The following KPNA2 variants were observed in gnomAD, a reference collection of about 807,000 sequenced individuals.
KPNA2 encodes the protein importin subunit alpha-1.
In KPNA2, 20 loss-of-function variants were observed where a neutral mutation model predicts 53.7. The observed-to-expected ratio is 0.37, with a 90% CI of 0.26 to 0.54. The LOEUF (loss-of-function observed/expected upper bound fraction) is 0.54. Among genes scored for constraint, KPNA2 ranks in the 20% least tolerant of loss-of-function variants. The probability of loss-of-function intolerance (pLI) is 0.83; values close to 1 mark genes in which losing one functional copy is unlikely to be tolerated. For missense variants in KPNA2, 515 were observed against 640.3 expected (o/e 0.80, Z 2.11); for synonymous variants, 238 against 227.5 (o/e 1.05, Z -0.42).
chr17:68,037,836 T>A (rs1389466251), intron 3 of KPNA2, among the ~76,000 whole-genome samples: 1 of 151,668 alleles, frequency 6.6e-6, no homozygotes, highest in Non-Finnish European at 1.5e-5. Flanking sequence ...AGTCTTGCTC[T>A]GTTGCTCAGG....
chr17:68,045,314 C>T (rs1555705265), intron 9 of KPNA2, among the ~76,000 whole-genome samples: 2 of 152,062 alleles, frequency 1.3e-5, no homozygotes, highest in African/African-American at 4.8e-5. Context: ...TCCATATGTC[C>T]AGTAAATCCT....
chr17:68,045,481 GTGT>G (rs1484439907), intron 9 of KPNA2: 6 of 273,988 alleles, frequency 2.2e-5, no homozygotes, highest in African/African-American at 2.2e-5. Flanking sequence ...CTGGAATGTA[GTGT>G]TGTTTTAAAA....
intron 1 of KPNA2, 176 bp from the exon 2 acceptor site, chr17:68,036,934 A>AGGG (rs551941947): frequency 1.9e-6 from 1 of 535,348 alleles, no homozygotes; most frequent in African/African-American, 2.0e-5. Flanking sequence ...TTTAGAGGGA[A>AGGG]GGGGGACACT....
At position 68,043,827 on chromosome 17, in the gene KPNA2, T is replaced by C; in HGVS notation, c.931-11T>C. ...AAAATAACCAGCATCAACATATTTTTTTTTTTTCAGACTCCTGCCCTAAGA... is the reference window on the plus strand; with the variant it reads ...AAAATAACCAGCATCAACATATTTTCTTTTTTTCAGACTCCTGCCCTAAGA... On this transcript the variant is annotated splice_polypyrimidine_tract_variant and intron_variant, in intron 7 of 10. Coordinates refer to ENST00000330459, the MANE Select transcript of KPNA2 (RefSeq NM_002266.4). The C allele has an allele frequency of 6.5e-7, 1 of 1,527,336 alleles. No homozygotes were observed. Among genetic ancestry groups the C allele is most frequent in the Non-Finnish European group, 9.1e-7 (1 of 1,103,610 alleles). 94.6% of individuals were successfully genotyped at this position (1,527,336 alleles called of 1,614,324 possible).
In KPNA2 at chr17:68,043,987, A is replaced by G. The variant is rs1555705048; in HGVS notation, c.1080A>G (p.Ser360=). ...NIQKEATWTM[S]NITAGRQDQI... The stretch of plus-strand genomic sequence containing the variant: ...AGAAGGAAGCTACGTGGACAATGTC[A>G]AACATCACAGCCGGCCGCCAGGACC... The change falls in exon 8 of 11, where the codon TCA becomes TCG. Residue 360 remains serine (S), a synonymous_variant. Transcript: ENST00000330459. The G allele has an allele frequency of 6.2e-7, 1 of 1,614,032 alleles. No homozygotes were observed. Among genetic ancestry groups the G allele is most frequent in the Admixed American group, 1.7e-5 (1 of 60,010 alleles).
chr17:68,038,460 A>G (rs1188968116), intron 3 of KPNA2, among the ~76,000 whole-genome samples: 1 of 152,076 alleles, frequency 6.6e-6, no homozygotes, highest in Non-Finnish European at 1.5e-5. Flanking sequence ...TGTATTTGTC[A>G]CCAGCTTTGT....
chr17:68,042,308 G>A lies in KPNA2; in HGVS notation c.526G>A (p.Ala176Thr), dbSNP rs2071270075. ...CATTTCTCTGTTGGCATCTCCCCAT[G>A]CTCACATCAGTGAACAAGCTGTCTG... ...AFISLLASPH[A>T]HISEQAVWAL... Residue 176 changes from alanine to threonine, a missense_variant, in exon 5 of 11, where the codon GCT becomes ACT. By Grantham distance (58) the Ala-to-Thr change is moderately conservative. Transcript: ENST00000330459. The A allele has an allele frequency of 6.2e-7, 1 of 1,614,094 alleles. No homozygotes were observed. The highest frequency in any genetic ancestry group is 8.5e-7 in the Non-Finnish European group (1 of 1,180,034).
In KPNA2 at chr17:68,037,388, G is replaced by T; in HGVS notation, c.106G>T (p.Val36Leu). 1 of 1,614,088 alleles carries T rather than the reference G, an allele frequency of 6.2e-7. No individual in the cohort carries two copies. The highest frequency in any genetic ancestry group is 1.1e-5 in the South Asian group (1 of 91,078). ...GAGGCGTCGCAGAATAGAGGTCAAT[G>T]TGGAGCTGAGGAAAGCTAAGAAGGA... The part of the protein sequence containing the change: ...EMRRRRIEVN[V>L]ELRKAKKDDQ... Residue 36 changes from valine (V) to leucine (L), a missense_variant, in exon 3 of 11, where the codon GTG becomes TTG. Coordinates refer to ENST00000330459, the MANE Select transcript of KPNA2 (RefSeq NM_002266.4).
intron 2 of KPNA2, 50 bp from the exon 3 acceptor site, chr17:68,037,308 G>C (rs1555703911): frequency 1.3e-6 from 2 of 1,591,986 alleles, no homozygotes; most frequent in East Asian, 4.5e-5. Flanking sequence ...CCCTCACTTA[G>C]CAACAAAAAC....
Position 68,035,737 on chromosome 17 carries a change from A to T in KPNA2, c.-127A>T, listed in dbSNP as rs1414718833. 1.3e-5 allele frequency: 2 copies of T among 151,928 alleles called. No homozygotes were observed. Among genetic ancestry groups the T allele is most frequent in the Admixed American group, 6.6e-5 (1 of 15,238 alleles). The allele number at this position is 151,928 out of a possible 1,614,324, so 9.4% of individuals were successfully genotyped here. On this transcript the variant is annotated 5_prime_UTR_variant, in exon 1 of 11. Transcript: ENST00000330459. ...CGCGCCGGCCGGCTGCACGAGCCACACGGTCTTTGAGCTGAGTCGAGGTGG... is the reference window on the plus strand; with the variant it reads ...CGCGCCGGCCGGCTGCACGAGCCACTCGGTCTTTGAGCTGAGTCGAGGTGG...
At position 68,046,726 on chromosome 17, in the gene KPNA2, AC is replaced by A; in HGVS notation, c.*131del. 1 of 652,444 alleles carries A rather than the reference AC, an allele frequency of 1.5e-6. No homozygotes were observed. Among genetic ancestry groups the A allele is most frequent in the Non-Finnish European group, 2.8e-6 (1 of 361,042 alleles). The allele number at this position is 652,444 out of a possible 1,614,324, so 40.4% of individuals were successfully genotyped here. On this transcript the variant is annotated 3_prime_UTR_variant, in exon 11 of 11. Transcript: ENST00000330459. Reference sequence around the variant, plus strand: ...CTTTTTACACTGAAACTATACTTGAACAGTTCCAACTGTACATACATACTGT... The same window carrying A: ...CTTTTTACACTGAAACTATACTTGAAAGTTCCAACTGTACATACATACTGT...
chr17:68,040,664 C>T lies in KPNA2; in HGVS notation c.214-14C>T, dbSNP rs1458896575. 2 of 1,567,814 alleles carry T rather than the reference C, an allele frequency of 1.3e-6. No homozygotes were observed. Among genetic ancestry groups the T allele is most frequent in the Non-Finnish European group, 1.8e-6 (2 of 1,141,052 alleles). ...ATCTTAATGATAATGTGCAAACTTT[C>T]ACTTTTCTTCTAGGGCACTGTAAAT... On this transcript the variant is annotated splice_polypyrimidine_tract_variant and intron_variant, in intron 3 of 10. Coordinates refer to ENST00000330459, the MANE Select transcript of KPNA2 (RefSeq NM_002266.4).
chr17:68,044,626 T>C, intron 9 of KPNA2, 123 bp downstream of exon 9: 1 of 740,492 alleles, frequency 1.4e-6, no homozygotes, highest in Non-Finnish European at 2.3e-6. Context: ...AGAAAGCCTG[T>C]TTATGTGGCC....
chr17:68,045,552 T>G lies in KPNA2; in HGVS notation c.1348-220T>G, dbSNP rs553351604. 4 of 420,708 alleles carry G rather than the reference T, an allele frequency of 9.5e-6. No individual in the cohort carries two copies. In the Admixed American group the frequency reaches 1.2e-4, roughly 12 times the overall value. 26.1% of individuals were successfully genotyped at this position (420,708 alleles called of 1,614,324 possible). A position where few individuals can be genotyped will look rare whatever the true frequency, so the allele number is the denominator to read the frequency against. On this transcript the variant is annotated intron_variant, in intron 9 of 10. Transcript: ENST00000330459. ...TTGGGAGCTACTACTGATTGTAAGATCTTTGGCTCCAGTTGAAGTAGTGCT... is the reference window on the plus strand; with the variant it reads ...TTGGGAGCTACTACTGATTGTAAGAGCTTTGGCTCCAGTTGAAGTAGTGCT...
At chr17:68,038,306 C>T (rs1350957870) in intron 3 of KPNA2, among the ~76,000 whole-genome samples, 12 of 152,196 alleles carry the variant, frequency 7.9e-5, no homozygotes, top group Admixed American at 6.5e-4. Flanking sequence ...CGGGGTTTCA[C>T]CATGTTGGCC....
Position 68,044,419 on chromosome 17 carries a change from A to G in KPNA2, c.1263A>G (p.Ile421Met). 1.2e-6 allele frequency: 2 copies of G among 1,614,042 alleles called. No homozygotes were observed. The highest frequency in any genetic ancestry group is 4.5e-5 in the East Asian group (2 of 44,884). The change falls in exon 9 of 11, where the codon ATA becomes ATG. Residue 421 changes from isoleucine (I) to methionine (M), a missense_variant. By Grantham distance (10) the Ile-to-Met change is conservative. Transcript: ENST00000330459. ...TTGTGTACCTTGTTCACTGTGGCAT[A>G]ATAGAACCGTTGATGAACCTCTTAA... ...EQIVYLVHCGIIEPLMNLLTA... is the reference protein window; with the variant it reads ...EQIVYLVHCGMIEPLMNLLTA...
intron 3 of KPNA2, among the ~76,000 whole-genome samples, chr17:68,039,026 C>T (rs2071222217): frequency 6.6e-6 from 1 of 152,190 alleles, no homozygotes; most frequent in East Asian, 1.9e-4. Flanking sequence ...GAAATCCCTA[C>T]TCTATGAAGG....
chr17:68,045,020 G>A lies in KPNA2; in HGVS notation c.1347+517G>A, dbSNP rs1413066275. Among the ~76,000 whole-genome samples, 146 of 151,718 alleles carry A rather than the reference G, an allele frequency of 9.6e-4. 1 individual carries two copies. Among genetic ancestry groups the A allele is most frequent in the African/African-American group, 3.3e-3 (135 of 41,316 alleles). On this transcript the variant is annotated intron_variant, in intron 9 of 10. Transcript: ENST00000330459. ...TGAGGCAGGAGAATCGCTTGAACCC[G>A]GGAAGCGGAAGTTGCAGTGAGCCAA... is the stretch of plus-strand genomic sequence containing the variant.
intron 5 of KPNA2, among the ~76,000 whole-genome samples, 167 bp downstream of exon 5, chr17:68,042,520 T>G (rs1481104692): frequency 2.0e-5 from 3 of 152,184 alleles, no homozygotes; most frequent in African/African-American, 4.8e-5. Context: ...GCCATCTAAG[T>G]AAGTTTGGGA....
Sources: gnomAD v4.1 joint callset for allele counts (sites outside exome capture counted in the v4.1 genomes callset) on GRCh38, gnomAD v4.1.1 for gene constraint, MANE v1.5 for transcripts, NCBI Gene and HGNC (gene_info 2026-07-23, HGNC 2026-07-21) for gene names.